PRB4: variants seen among roughly 807,000 people sequenced by gnomAD.
PRB4 encodes basic salivary proline-rich protein 4.
In PRB4, 14 loss-of-function variants were observed where a neutral mutation model predicts 9.1. That is an observed-to-expected ratio of 1.54 (90% CI 1.02 to 2.41). The LOEUF (loss-of-function observed/expected upper bound fraction) is 2.41, where lower values mean the gene tolerates loss of function less well. PRB4 is among the 30% of genes most tolerant of loss of function. PRB4 has a pLI of 0.00. For synonymous variants in PRB4, 102 were observed against 108.5 expected (o/e 0.94, Z 0.37); for missense variants, 381 against 299.3 (o/e 1.27, Z -2.02).
rs1862992070 is a variant in PRB4, at chr12:11,309,015, G to A, written c.101-133C>T. The A allele has an allele frequency of 3.7e-6, 5 of 1,347,094 alleles. No homozygotes were observed. The South Asian group carries it at 3.7e-5, about 10-fold the overall frequency. The allele number at this position is 1,347,094 out of a possible 1,614,324, so 83.4% of individuals were successfully genotyped here. Reference sequence around the variant, plus strand: ...TCTTTGCATTTTCAGTGAAGCCCTAGAACTCTGGAGTGGAACGCTGGGGGA... The same window carrying A: ...TCTTTGCATTTTCAGTGAAGCCCTAAAACTCTGGAGTGGAACGCTGGGGGA... On this transcript the variant is annotated intron_variant, in intron 2 of 3. Transcript: ENST00000279575.
chr12:11,308,835 G>A lies in PRB4; in HGVS notation c.148C>T (p.Pro50Ser). The change falls in exon 3 of 4, where the codon CCC becomes TCC. Residue 50 changes from proline (P) to serine (S), a missense_variant. By Grantham distance (74) the Pro-to-Ser change is moderately conservative. Around this residue, in one of 3 missense-constraint regions of PRB4, gnomAD observed 151 missense variants for 105.8 expected, o/e 1.43. Transcript: ENST00000279575. ...TGTGGCTTTCCTGGAGGAGGTGGGG[G>A]ACGTTGGGGCTGGTTTCCTCCTTGT... ...RPQGGNQPQR[P>S]PPPPGKPQGP... The A allele has an allele frequency of 6.3e-7, 1 of 1,586,396 alleles. No homozygotes were observed. Among genetic ancestry groups the A allele is most frequent in the Non-Finnish European group, 8.6e-7 (1 of 1,162,516 alleles).
In PRB4 at chr12:11,308,302, T is replaced by A. The variant is rs776896381; in HGVS notation, c.681A>T (p.Pro227=). ...QAPPAGKPQG[P]PPPPQGGRPP... ...GCCTGCCCCCTTGAGGAGGTGGAGG[T>A]GGCCCCTGGGGCTTTCCAGCAGGAG... is the stretch of plus-strand genomic sequence containing the variant. Residue 227 remains proline, a synonymous_variant, in exon 3 of 4, where the codon CCA becomes CCT. Coordinates refer to ENST00000279575, the MANE Select transcript of PRB4 (RefSeq NM_002723.6). 6.2e-7 allele frequency: 1 copy of A among 1,609,326 alleles called. No homozygotes were observed. The highest frequency in any genetic ancestry group is 2.2e-5 in the East Asian group (1 of 44,846).
chr12:11,309,509 C>A, intron 1 of PRB4, 104 bp from the exon 2 acceptor site: 2 of 1,601,800 alleles, frequency 1.2e-6, no homozygotes, highest in Non-Finnish European at 1.7e-6. Flanking sequence ...CCCATGCATC[C>A]CCTAGGTTAA....
In PRB4 at chr12:11,307,099, A is replaced by G. The variant is rs929347727; in HGVS notation, c.*119T>C. 1 of 154,588 alleles carries G rather than the reference A, an allele frequency of 6.5e-6. No homozygotes were observed. The highest frequency in any genetic ancestry group is 1.9e-4 in the East Asian group (1 of 5,204). The allele number at this position is 154,588 out of a possible 1,614,324, so 9.6% of individuals were successfully genotyped here. A position where few individuals can be genotyped will look rare whatever the true frequency, so the allele number is the denominator to read the frequency against. On this transcript the variant is annotated 3_prime_UTR_variant, in exon 4 of 4. Coordinates refer to ENST00000279575, the MANE Select transcript of PRB4 (RefSeq NM_002723.6). ...TCAGAAATTGCAAGCTGATTATTTT[A>G]TTGGTATATTAAAGTTAGAGCTATG...
chr12:11,309,250 G>A lies in PRB4; in HGVS notation c.100+120C>T. On this transcript the variant is annotated intron_variant, in intron 2 of 3. Transcript: ENST00000279575. Reference sequence around the variant, plus strand: ...TGCATGAAGATTGCCTATATCATTAGGGGCAATAACATTAATCAATTCCTG... The same window carrying A: ...TGCATGAAGATTGCCTATATCATTAAGGGCAATAACATTAATCAATTCCTG... 8 of 1,525,862 alleles carry A rather than the reference G, an allele frequency of 5.2e-6. No individual in the cohort carries two copies. In the South Asian group the frequency reaches 6.8e-5, roughly 13 times the overall value. The allele number at this position is 1,525,862 out of a possible 1,614,324, so 94.5% of individuals were successfully genotyped here.
chr12:11,308,917 A>G (rs1405080043), intron 2 of PRB4, 35 bp from the exon 3 acceptor site: 1 of 1,612,832 alleles, frequency 6.2e-7, no homozygotes, highest in African/African-American at 1.3e-5. Context: ...CATTCACTGA[A>G]TAGTTGCCAC....
chr12:11,307,772 T>C (rs1180624128), intron 3 of PRB4, among the ~76,000 whole-genome samples: 4 of 152,194 alleles, frequency 2.6e-5, no homozygotes, highest in East Asian at 1.9e-4. Flanking sequence ...AGCTTAATCA[T>C]GTACGTATTG....
intron 3 of PRB4, among the ~76,000 whole-genome samples, chr12:11,307,652 A>G (rs1862944386): frequency 6.6e-6 from 1 of 152,234 alleles, no homozygotes; most frequent in South Asian, 2.1e-4. Flanking sequence ...CAAAGAAAAG[A>G]TCCCATAAGG....
chr12:11,308,439 T>C lies in PRB4; in HGVS notation c.544A>G (p.Lys182Glu), dbSNP rs1237484579. The change falls in exon 3 of 4, where the codon AAG (lysine) becomes GAG (glutamate). Residue 182 changes from lysine to glutamate, a missense_variant. Coordinates refer to ENST00000279575, the MANE Select transcript of PRB4 (RefSeq NM_002723.6). ...KSRSARSPPG[K>E]PQGPPQQEGN... ...TCTTGTTGGGGTGGTCCTTGTGGCTTTCCTGGAGGAGATCGGGCACTTCGG... is the reference window on the plus strand; with the variant it reads ...TCTTGTTGGGGTGGTCCTTGTGGCTCTCCTGGAGGAGATCGGGCACTTCGG... The C allele has an allele frequency of 4.3e-6, 7 of 1,613,654 alleles. No individual in the cohort carries two copies. Among genetic ancestry groups the C allele is most frequent in the Non-Finnish European group, 5.1e-6 (6 of 1,179,892 alleles).
rs148550298 is a variant in PRB4, at chr12:11,308,807, C to A, written c.176G>T (p.Gly59Val). Residue 59 changes from glycine (G) to valine (V), a missense_variant, in exon 3 of 4, where the codon GGA becomes GTA. Gly to Val is a moderately radical substitution (Grantham distance 109). Around this residue, in one of 3 missense-constraint regions of PRB4, gnomAD observed 151 missense variants for 105.8 expected, o/e 1.43. Coordinates refer to ENST00000279575, the MANE Select transcript of PRB4 (RefSeq NM_002723.6). ...RPPPPPGKPQ[G>V]PPPQGGNQSQ... ...CTGGTTTCCTCCTTGTGGGGGTGGT[C>A]CTTGTGGCTTTCCTGGAGGAGGTGG... 6.9e-6 allele frequency: 11 copies of A among 1,591,004 alleles called. No individual in the cohort carries two copies. The highest frequency in any genetic ancestry group is 9.4e-6 in the Non-Finnish European group (11 of 1,166,946).
intron 1 of PRB4, among the ~76,000 whole-genome samples, chr12:11,309,870 T>A (rs1347352058): frequency 2.6e-5 from 4 of 152,208 alleles, no homozygotes; most frequent in African/African-American, 9.7e-5. Context: ...TGATTGGCTC[T>A]GATATTTCTA....
At chr12:11,309,476 G>A in intron 1 of PRB4, 71 bp from the exon 2 acceptor site, 1 of 1,613,178 alleles carries the variant, frequency 6.2e-7, no homozygotes, top group South Asian at 1.1e-5. Context: ...TGTTCTACAG[G>A]GAAAATTGTC....
rs78434062 is a variant in PRB4, at chr12:11,308,699, T to C, written c.284A>G (p.His95Arg). 6.8e-7 allele frequency: 1 copy of C among 1,475,038 alleles called. No homozygotes were observed. 91.4% of individuals were successfully genotyped at this position (1,475,038 alleles called of 1,614,324 possible). A position where few individuals can be genotyped will look rare whatever the true frequency, so the allele number is the denominator to read the frequency against. Residue 95 changes from histidine (H) to arginine (R), a missense_variant, in exon 3 of 4, where the codon CAT becomes CGT. Around this residue, in one of 3 missense-constraint regions of PRB4, gnomAD observed 26 missense variants for 59.1 expected, o/e 0.44. Coordinates refer to ENST00000279575, the MANE Select transcript of PRB4 (RefSeq NM_002723.6). ...GGGTGGTCTTTCTGGCTTTCCTGGA[T>C]GAGGTGGGGGACCTTGGGACTGGTT... The part of the protein sequence containing the change: ...GGNQSQGPPP[H>R]PGKPERPPPQ...
chr12:11,307,571 A>G (rs933475366), intron 3 of PRB4, among the ~76,000 whole-genome samples: 3 of 152,170 alleles, frequency 2.0e-5, no homozygotes, highest in African/African-American at 4.8e-5. Flanking sequence ...TAACATATAT[A>G]CCTGCATATA....
intron 3 of PRB4, among the ~76,000 whole-genome samples, chr12:11,307,922 G>A (rs894933752): frequency 2.6e-5 from 4 of 152,142 alleles, no homozygotes; most frequent in African/African-American, 9.7e-5. Flanking sequence ...TAAATGGGAG[G>A]TCTCTGAGTT....
chr12:11,307,781 T>C (rs1428427145), intron 3 of PRB4, among the ~76,000 whole-genome samples: 2 of 152,170 alleles, frequency 1.3e-5, no homozygotes, highest in East Asian at 1.9e-4. Context: ...ATGTACGTAT[T>C]GAAAAGTTAA....
intron 3 of PRB4, among the ~76,000 whole-genome samples, chr12:11,308,014 A>G (rs1862950860): frequency 6.6e-6 from 1 of 152,348 alleles, no homozygotes; most frequent in South Asian, 2.1e-4. Flanking sequence ...ATCATATGGT[A>G]TGTTGTTTCT....
chr12:11,309,311 G>C, intron 2 of PRB4, 59 bp downstream of exon 2: 1 of 1,612,774 alleles, frequency 6.2e-7, no homozygotes, highest in Non-Finnish European at 8.5e-7. Context: ...CTGGAGAAAT[G>C]ATCCATTTGT....
At chr12:11,307,459 A>T (rs1408543881) in intron 3 of PRB4, among the ~76,000 whole-genome samples, 2 of 152,250 alleles carry the variant, frequency 1.3e-5, no homozygotes, top group Admixed American at 6.5e-5. Context: ...TACACAATAG[A>T]GTAGTATAAA....
Sources: gnomAD v4.1 joint callset for allele counts (sites outside exome capture counted in the v4.1 genomes callset) on GRCh38, gnomAD v4.1.1 for gene constraint, gnomAD v4.1.1 regional missense constraint, MANE v1.5 for transcripts, NCBI Gene and HGNC (gene_info 2026-07-23, HGNC 2026-07-21) for gene names.